ECD: variants seen among roughly 807,000 people sequenced by gnomAD.
ECD encodes the protein protein ecdysoneless homolog.
ECD carries 59 observed loss-of-function variants against 77.2 expected under a neutral mutation model. The observed-to-expected ratio is 0.76, with a 90% confidence interval of 0.62 to 0.95. The LOEUF (loss-of-function observed/expected upper bound fraction) is 0.95. Ranked by LOEUF, ECD falls within the 40% of genes least tolerant of loss-of-function variation. ECD has a pLI of 0.00. For missense variants in ECD, 704 were observed against 763.4 expected (o/e 0.92, Z 0.92); for synonymous variants, 233 against 267.4 (o/e 0.87, Z 1.26).
intron 9 of ECD, among the ~76,000 whole-genome samples, chr10:73,143,051 A>C (rs900753171): frequency 1.3e-5 from 2 of 152,232 alleles, no homozygotes; most frequent in African/African-American, 4.8e-5. Flanking sequence ...AAGCTCTATA[A>C]GGACAAGGAC....
At chr10:73,150,627 T>A (rs1843189731) in intron 7 of ECD, among the ~76,000 whole-genome samples, 1 of 152,058 alleles carries the variant, frequency 6.6e-6, no homozygotes, top group Non-Finnish European at 1.5e-5. Context: ...TCTACTTATC[T>A]AACAAAGGGC....
At chr10:73,141,218 C>T (rs371385162) in intron 9 of ECD, among the ~76,000 whole-genome samples, 11 of 151,168 alleles carry the variant, frequency 7.3e-5, no homozygotes, top group South Asian at 2.1e-4. Flanking sequence ...AGCGAGACTC[C>T]GTTGGCCGGG....
Position 73,163,798 on chromosome 10 carries a change from G to A in ECD, c.140C>T (p.Ala47Val). 1 of 1,614,134 alleles carries A rather than the reference G, an allele frequency of 6.2e-7. No homozygotes were observed. ...CCAGATGTAGGGGACCAGCATAGGTGCAAACCGAGTGATTATTCTCTCAAT... is the reference window on the plus strand; with the variant it reads ...CCAGATGTAGGGGACCAGCATAGGTACAAACCGAGTGATTATTCTCTCAAT... The part of the protein sequence containing the change: ...KYIERIITRF[A>V]PMLVPYIWQN... Residue 47 changes from alanine to valine, a missense_variant, in exon 2 of 14, where the codon GCA becomes GTA. Ala to Val is a moderately conservative substitution (Grantham distance 64). Coordinates refer to ENST00000372979, the MANE Select transcript of ECD (RefSeq NM_007265.3).
intron 7 of ECD, 87 bp from the exon 8 acceptor site, chr10:73,148,491 C>T (rs998457577): frequency 4.2e-6 from 6 of 1,423,308 alleles, no homozygotes; most frequent in South Asian, 3.0e-5. Context: ...CATTGAGCCA[C>T]ACTCTAGAAC....
chr10:73,163,688 T>A, intron 2 of ECD, 45 bp downstream of exon 2: 1 of 1,581,336 alleles, frequency 6.3e-7, no homozygotes, highest in Non-Finnish European at 8.7e-7. Flanking sequence ...GTTGTCAGGA[T>A]AACATTAAAA....
At chr10:73,148,681 C>T (rs1843160580) in intron 7 of ECD, among the ~76,000 whole-genome samples, 1 of 152,108 alleles carries the variant, frequency 6.6e-6, no homozygotes, top group Non-Finnish European at 1.5e-5. Flanking sequence ...CTGCTGATTA[C>T]AAAACCAGAA....
chr10:73,157,962 T>C (rs1297753070), intron 3 of ECD, among the ~76,000 whole-genome samples: 3 of 151,858 alleles, frequency 2.0e-5, no homozygotes, highest in Non-Finnish European at 4.4e-5. Context: ...TTATTTTATT[T>C]TATTTTATTT....
intron 7 of ECD, 70 bp from the exon 8 acceptor site, chr10:73,148,474 T>G (rs1589116549): frequency 6.5e-7 from 1 of 1,541,668 alleles, no homozygotes; most frequent in Admixed American, 1.9e-5. Context: ...ACACATTACT[T>G]TTTTTCCATT....
upstream of ECD, chr10:73,168,092 T>G: frequency 3.8e-6 from 2 of 527,022 alleles, no homozygotes. Context: ...GGCGGGAGCA[T>G]TTTGCGAGTG....
At chr10:73,145,647 T>C (rs950236176) in intron 9 of ECD, among the ~76,000 whole-genome samples, 53 of 150,852 alleles carry the variant, frequency 3.5e-4, no homozygotes, top group Admixed American at 3.0e-3. Context: ...TTTGCTGAAA[T>C]ATTGTGCAGC....
Position 73,136,754 on chromosome 10 carries a change from C to G in ECD, c.1654G>C (p.Glu552Gln). 7 of 1,614,040 alleles carry G rather than the reference C, an allele frequency of 4.3e-6. No homozygotes were observed. Among genetic ancestry groups the G allele is most frequent in the Non-Finnish European group, 5.9e-6 (7 of 1,179,986 alleles). The change falls in exon 13 of 14, where the codon GAA (glutamate) becomes CAA (glutamine). Residue 552 changes from glutamate (E) to glutamine (Q), a missense_variant. Coordinates refer to ENST00000372979, the MANE Select transcript of ECD (RefSeq NM_007265.3). Reference protein sequence around the residue: ...LKSYMAQMDQELAHTCISKSF... With the variant: ...LKSYMAQMDQQLAHTCISKSF... ...TTGCTGATGCAGGTGTGTGCTAGTT[C>G]CTGGTCCATCTGGGCCATGTATGAC... is the stretch of plus-strand genomic sequence containing the variant.
intron 5 of ECD, 28 bp from the exon 6 acceptor site, chr10:73,154,476 T>C (rs1843270170): frequency 6.4e-7 from 1 of 1,572,230 alleles, no homozygotes; most frequent in East Asian, 2.2e-5. Flanking sequence ...ATTACTTTCA[T>C]TTTACAGTAT....
At position 73,139,666 on chromosome 10, in the gene ECD, A is replaced by C. The variant is rs374769397; in HGVS notation, c.1199T>G (p.Leu400Arg). ...GGGAAGATTAGCTGCTTCTTTCTTA[A>C]GGTCTTCTATATCAAATGGTATTGT... is the stretch of plus-strand genomic sequence containing the variant. ...LQTIPFDIED[L>R]KKEAANLPPE... The change falls in exon 10 of 14, where the codon CTT (leucine) becomes CGT (arginine). Residue 400 changes from leucine to arginine, a missense_variant. Around this residue, in one of 3 missense-constraint regions of ECD, gnomAD observed 559 missense variants for 583.7 expected, o/e 0.96. Transcript: ENST00000372979. 5.0e-6 allele frequency: 8 copies of C among 1,612,496 alleles called. No homozygotes were observed. The African/African-American group carries it at 1.1e-4, about 22-fold the overall frequency.
At position 73,139,617 on chromosome 10, in the gene ECD, G is replaced by C. The variant is rs766720035; in HGVS notation, c.1234+14C>G. 6.3e-7 allele frequency: 1 copy of C among 1,597,114 alleles called. No homozygotes were observed. Among genetic ancestry groups the C allele is most frequent in the East Asian group, 2.2e-5 (1 of 44,764 alleles). On this transcript the variant is annotated intron_variant, in intron 10 of 13. Coordinates refer to ENST00000372979, the MANE Select transcript of ECD (RefSeq NM_007265.3). ...TTTTTTAACCCTTCCACTGTATCCT[G>C]GTCCATCACTTACCATCCTCTGGGG...
intron 3 of ECD, among the ~76,000 whole-genome samples, chr10:73,159,768 C>T (rs1843351102): frequency 6.6e-6 from 1 of 150,436 alleles, no homozygotes; most frequent in Non-Finnish European, 1.5e-5. Context: ...CTCAGCCTCC[C>T]GAGTAGCTGT....
At position 73,136,411 on chromosome 10, in the gene ECD, G is replaced by GA. The variant is rs1487874948; in HGVS notation, c.1704+292dup. Among the ~76,000 whole-genome samples the GA allele has an allele frequency of 6.6e-5, 10 of 151,414 alleles. No homozygotes were observed. In the South Asian group the frequency reaches 8.3e-4, roughly 13 times the overall value. On this transcript the variant is annotated intron_variant, in intron 13 of 13. Transcript: ENST00000372979. ...GCTGTAGTTTTTTTAAACTACTTTT[G>GA]AAAAAAAATGTATTTAAGAAGTAGT...
chr10:73,136,782 G>C lies in ECD; in HGVS notation c.1626C>G (p.Leu542=). ...GGTCCATCTGGGCCATGTATGACTT[G>C]AGATTATCAAGTGTTCCTTTCAGGG... is the stretch of plus-strand genomic sequence containing the variant. The part of the protein sequence containing the change: ...EASLKGTLDN[L]KSYMAQMDQE... The change falls in exon 13 of 14, where the codon CTC becomes CTG. Residue 542 remains leucine (L), a synonymous_variant. Transcript: ENST00000372979. 2 of 1,614,024 alleles carry C rather than the reference G, an allele frequency of 1.2e-6. No homozygotes were observed. Among genetic ancestry groups the C allele is most frequent in the Non-Finnish European group, 1.7e-6 (2 of 1,180,004 alleles).
intron 9 of ECD, among the ~76,000 whole-genome samples, chr10:73,143,818 G>A (rs1387023034): frequency 2.4e-5 from 3 of 127,574 alleles, no homozygotes; most frequent in Admixed American, 7.8e-5. Context: ...ATTACTGTAC[G>A]TATTTATAAC....
intron 9 of ECD, among the ~76,000 whole-genome samples, chr10:73,142,368 T>C (rs1300114614): frequency 6.6e-6 from 1 of 151,896 alleles, no homozygotes; most frequent in African/African-American, 2.4e-5. Flanking sequence ...CTTAAAAATA[T>C]TGTAGAGATG....
Sources: gnomAD v4.1 joint callset for allele counts (sites outside exome capture counted in the v4.1 genomes callset) on GRCh38, gnomAD v4.1.1 for gene constraint, gnomAD v4.1.1 regional missense constraint, MANE v1.5 for transcripts, NCBI Gene and HGNC (gene_info 2026-07-23, HGNC 2026-07-21) for gene names.